KNL1: variants seen among roughly 807,000 people sequenced by gnomAD.
The protein encoded by KNL1 is kinetochore scaffold 1, also known as outer kinetochore KNL1 complex subunit KNL1.
In KNL1, 66 loss-of-function variants were observed where a neutral mutation model predicts 201.3. The ratio of observed to expected loss-of-function variants is 0.33; its 90% CI spans 0.27 to 0.40. The LOEUF (loss-of-function observed/expected upper bound fraction) is 0.40, where lower values mean the gene tolerates loss of function less well. KNL1 is among the 10% of genes least tolerant of loss of function. The probability of loss-of-function intolerance (pLI) is 1.00; values close to 1 mark genes in which losing one functional copy is unlikely to be tolerated. For missense variants in KNL1, 2,815 were observed against 2,690.5 expected (o/e 1.05, Z -1.02); for synonymous variants, 895 against 899.2 (o/e 1.00, Z 0.08).
In KNL1 at chr15:40,621,142, C is replaced by T. The variant is rs139153620; in HGVS notation, c.878C>T (p.Thr293Ile). 1 of 1,613,800 alleles carries T rather than the reference C, an allele frequency of 6.2e-7. No homozygotes were observed. Among genetic ancestry groups the T allele is most frequent in the African/African-American group, 1.3e-5 (1 of 75,032 alleles). ...FTQCHTANIQ[T>I]LIPTSSETNS... is the part of the protein sequence containing the mutation. ...CAGTGTCATACAGCCAATATTCAGA[C>T]ATTGATTCCCACATCCAGTGAGACC... Residue 293 changes from threonine (T) to isoleucine (I), a missense_variant, in exon 10 of 26, where the codon ACA (threonine) becomes ATA (isoleucine). By Grantham distance (89) the Thr-to-Ile change is moderately conservative. This residue lies in a region of KNL1 where 2,464 missense variants were observed against 2,291.7 expected (regional missense o/e 1.08). Coordinates refer to ENST00000399668, the MANE Select transcript of KNL1 (RefSeq NM_144508.5).
chr15:40,656,399 C>G (rs752166570), intron 22 of KNL1, among the ~76,000 whole-genome samples: 9 of 151,574 alleles, frequency 5.9e-5, no homozygotes, highest in Non-Finnish European at 8.8e-5. Context: ...TGCCACTGCA[C>G]TCCAGCCTGG....
rs375363329 is a variant in KNL1 at position 40,622,848 on chromosome 15, A to G, written c.2584A>G (p.Ile862Val). 3.1e-6 allele frequency: 5 copies of G among 1,613,718 alleles called. No homozygotes were observed. In the Admixed American group the frequency reaches 6.7e-5, roughly 22 times the overall value. ...SVGGPKIDKT[I>V]VFSEDDKNDM... is the part of the protein sequence containing the mutation. ...TGGTGGACCAAAAATTGATAAGACTATTGTATTTTCAGAAGACGATAAGAA... is the reference window on the plus strand; with the variant it reads ...TGGTGGACCAAAAATTGATAAGACTGTTGTATTTTCAGAAGACGATAAGAA... The change falls in exon 10 of 26, where the codon ATT becomes GTT. Residue 862 changes from isoleucine (I) to valine (V), a missense_variant. Physicochemically the swap from Ile to Val is conservative, Grantham distance 29 (BLOSUM62 3). Transcript: ENST00000399668.
Position 40,618,975 on chromosome 15 carries a change from T to C in KNL1, c.339T>C (p.Leu113=). ...YCEITGMNTL[L]SAPIHTQMQQ... is the part of the protein sequence containing the mutation. ...TCTAAATAGGGATGAACACATTGCT[T>C]TCTGCTCCCATTCATACCCAGATGC... The change falls in exon 9 of 26, where the codon CTT becomes CTC. Residue 113 remains leucine (L), a synonymous_variant. Transcript: ENST00000399668. 6.2e-7 allele frequency: 1 copy of C among 1,608,200 alleles called. No individual in the cohort carries two copies. The highest frequency in any genetic ancestry group is 1.3e-5 in the African/African-American group (1 of 74,932).
At chr15:40,640,713 A>AC (rs1893202335) in intron 13 of KNL1, among the ~76,000 whole-genome samples, 199 bp from the exon 14 acceptor site, 2 of 152,222 alleles carry the variant, frequency 1.3e-5, no homozygotes, top group East Asian at 1.9e-4. Context: ...GTTCCAGTAA[A>AC]ATCTATGGGG....
At chr15:40,643,506 G>A (rs1183147006) in intron 14 of KNL1, among the ~76,000 whole-genome samples, 1 of 152,134 alleles carries the variant, frequency 6.6e-6, no homozygotes, top group African/African-American at 2.4e-5. Context: ...TTAGCTGGGC[G>A]TGGTGGCACG....
Position 40,608,839 on chromosome 15 carries a change from G to A in KNL1, c.136-8G>A. ...TTAAGAATTATACCATATATTCTCTGCCCTTAGGAATCCAATGCTTTGAGA... is the reference window on the plus strand; with the variant it reads ...TTAAGAATTATACCATATATTCTCTACCCTTAGGAATCCAATGCTTTGAGA... On this transcript the variant is annotated splice_polypyrimidine_tract_variant and splice_region_variant and intron_variant, in intron 4 of 25. Transcript: ENST00000399668. 6.3e-7 allele frequency: 1 copy of A among 1,593,190 alleles called. No individual in the cohort carries two copies. The highest frequency in any genetic ancestry group is 8.6e-7 in the Non-Finnish European group (1 of 1,161,944).
At chr15:40,657,004 G>C in intron 22 of KNL1, 38 bp from the exon 23 acceptor site, 1 of 951,142 alleles carries the variant, frequency 1.1e-6, no homozygotes, top group East Asian at 2.6e-5. Flanking sequence ...TGAATCATAA[G>C]TAATAACCTG....
At chr15:40,651,089 C>T (rs1229205601) in intron 19 of KNL1, among the ~76,000 whole-genome samples, 2 of 149,978 alleles carry the variant, frequency 1.3e-5, no homozygotes, top group Non-Finnish European at 3.0e-5. Context: ...AAAAAAAAAA[C>T]TGTGACATGT....
intron 14 of KNL1, 68 bp from the exon 15 acceptor site, chr15:40,644,929 C>T: frequency 1.0e-6 from 1 of 967,778 alleles, no homozygotes; most frequent in Non-Finnish European, 1.6e-6. Flanking sequence ...TTCCTTTCTA[C>T]ATAGACACAG....
Position 40,624,460 on chromosome 15 carries a change from T to C in KNL1, c.4196T>C (p.Leu1399Ser), listed in dbSNP as rs936917598. 1.2e-6 allele frequency: 2 copies of C among 1,613,736 alleles called. No homozygotes were observed. The highest frequency in any genetic ancestry group is 2.2e-5 in the East Asian group (1 of 44,880). ...CTGATTAAGGATCCACGAAATCTAT[T>C]GGCTAATCAAACTTTAGTATATAGT... ...QDLIKDPRNL[L>S]ANQTLVYSQD... The change falls in exon 10 of 26, where the codon TTG becomes TCG. Residue 1399 changes from leucine to serine, a missense_variant. Leu to Ser is a moderately radical substitution (Grantham distance 145, BLOSUM62 -2). This residue lies in a region of KNL1 where 2,464 missense variants were observed against 2,291.7 expected (regional missense o/e 1.08). Transcript: ENST00000399668.
At chr15:40,648,350 T>C (rs994651261) in intron 17 of KNL1, among the ~76,000 whole-genome samples, 2 of 152,206 alleles carry the variant, frequency 1.3e-5, no homozygotes, top group African/African-American at 4.8e-5. Context: ...GAAGATCTCT[T>C]GAGCCCAGGA....
rs185516731 is a variant in KNL1 at position 40,645,938 on chromosome 15, C to T, written c.6006+166C>T. 1.9e-3 allele frequency among the ~76,000 whole-genome samples: 284 copies of T among 152,290 alleles called. 1 individual carries two copies. Among genetic ancestry groups the T allele is most frequent in the African/African-American group, 6.4e-3 (268 of 41,556 alleles). On this transcript the variant is annotated intron_variant, in intron 16 of 25. Coordinates refer to ENST00000399668, the MANE Select transcript of KNL1 (RefSeq NM_144508.5). ...ATTTGTCAAAAGTGGCAAATCCTGA[C>T]ATCTTGAGTAATACTGGAATATAAT...
At chr15:40,655,590 C>T (rs1251829541) in intron 22 of KNL1, among the ~76,000 whole-genome samples, 2 of 90,898 alleles carry the variant, frequency 2.2e-5, no homozygotes, top group African/African-American at 8.8e-5. Flanking sequence ...GGCTCCATCT[C>T]AAAAAAAAAA....
Position 40,621,998 on chromosome 15 carries a change from C to T in KNL1, c.1734C>T (p.His578=), listed in dbSNP as rs1475428351. The change falls in exon 10 of 26, where the codon CAC becomes CAT. Residue 578 remains histidine (H), a synonymous_variant. Coordinates refer to ENST00000399668, the MANE Select transcript of KNL1 (RefSeq NM_144508.5). ...SGENMDLTES[H]TSNLGSQVPL... ...AAAATATGGATTTGACTGAAAGTCA[C>T]ACAAGTAACTTAGGAAGTCAGGTTC... is the stretch of plus-strand genomic sequence containing the variant. 3 of 1,613,902 alleles carry T rather than the reference C, an allele frequency of 1.9e-6. No homozygotes were observed.
At chr15:40,641,631 CTA>C (rs762071942) in intron 14 of KNL1, among the ~76,000 whole-genome samples, 1 of 152,184 alleles carries the variant, frequency 6.6e-6, no homozygotes, top group Non-Finnish European at 1.5e-5. Flanking sequence ...TACCCTCAAA[CTA>C]TGTGTACAAG....
chr15:40,658,833 G>T (rs1893817408), intron 24 of KNL1, among the ~76,000 whole-genome samples: 1 of 151,442 alleles, frequency 6.6e-6, no homozygotes, highest in Non-Finnish European at 1.5e-5. Context: ...AGGAGGCTGA[G>T]GCAGGAGAAT....
chr15:40,599,893 C>G (rs777727161), intron 1 of KNL1, among the ~76,000 whole-genome samples: 1 of 150,018 alleles, frequency 6.7e-6, no homozygotes, highest in South Asian at 2.1e-4. Flanking sequence ...ACACTGCAGC[C>G]TGGAACTCCA....
chr15:40,636,434 C>G (rs1327710161), intron 13 of KNL1, among the ~76,000 whole-genome samples: 1 of 152,064 alleles, frequency 6.6e-6, no homozygotes, highest in African/African-American at 2.4e-5. Context: ...ATGATGAAAC[C>G]TTTTTAAAAC....
At chr15:40,647,167 C>G in intron 17 of KNL1, 93 bp downstream of exon 17, 1 of 699,020 alleles carries the variant, frequency 1.4e-6, no homozygotes, top group Non-Finnish European at 2.6e-6. Context: ...ATATTGAAGA[C>G]TTGTATTAGC....
Sources: allele counts gnomAD v4.1 joint callset (sites outside exome capture counted in the v4.1 genomes callset), GRCh38; gene constraint gnomAD v4.1.1; regional missense constraint gnomAD v4.1.1; transcripts MANE v1.5; gene names NCBI Gene and HGNC (gene_info 2026-07-23, HGNC 2026-07-21).